Variants in SLIT2 observed in about 807,000 individuals in gnomAD.
SLIT2 encodes the protein slit guidance ligand 2, also known as slit homolog 2 protein.
SLIT2 carries 41 observed loss-of-function variants against 185.7 expected under a neutral mutation model. The observed-to-expected ratio is 0.22, with a 90% CI of 0.17 to 0.29. The LOEUF (loss-of-function observed/expected upper bound fraction) is 0.29. Among genes scored for constraint, SLIT2 ranks in the 10% least tolerant of loss-of-function variants. SLIT2 has a pLI of 1.00. For missense variants in SLIT2, 1,571 were observed against 1,909.0 expected (o/e 0.82, Z 3.30); for synonymous variants, 693 against 680.2 (o/e 1.02, Z -0.29).
At chr4:20,273,065 A>T (rs1380744482) in intron 4 of SLIT2, among the ~76,000 whole-genome samples, 1 of 152,150 alleles carries the variant, frequency 6.6e-6, no homozygotes, top group Non-Finnish European at 1.5e-5. Flanking sequence ...AACTATAATA[A>T]TTGGGACTTT....
intron 15 of SLIT2, among the ~76,000 whole-genome samples, chr4:20,525,880 T>C (rs1721240956): frequency 6.6e-6 from 1 of 152,148 alleles, no homozygotes; most frequent in Non-Finnish European, 1.5e-5. Context: ...AAAATGTTTC[T>C]AAGAAAAGTA....
At chr4:20,576,362 A>G (rs900730903) in intron 29 of SLIT2, among the ~76,000 whole-genome samples, 6 of 152,156 alleles carry the variant, frequency 3.9e-5, no homozygotes, top group Admixed American at 3.3e-4. Flanking sequence ...CTTCGTATAG[A>G]AAGATTTTAT....
At chr4:20,302,401 G>A (rs1717138361) in intron 4 of SLIT2, among the ~76,000 whole-genome samples, 2 of 152,088 alleles carry the variant, frequency 1.3e-5, no homozygotes, top group South Asian at 4.1e-4. Flanking sequence ...TATTCCATCA[G>A]TTATCCAGTG....
chr4:20,338,197 G>C (rs976872208), intron 4 of SLIT2, among the ~76,000 whole-genome samples: 2 of 152,078 alleles, frequency 1.3e-5, no homozygotes, highest in African/African-American at 4.8e-5. Context: ...TTTCTTATAA[G>C]GATTTCTCTT....
At chr4:20,285,479 A>G (rs1715173771) in intron 4 of SLIT2, among the ~76,000 whole-genome samples, 1 of 152,224 alleles carries the variant, frequency 6.6e-6, no homozygotes, top group Middle Eastern at 3.2e-3. Context: ...AAGCACACTG[A>G]CACTGATACT....
chr4:20,395,210 T>G, intron 4 of SLIT2, among the ~76,000 whole-genome samples: 1 of 151,968 alleles, frequency 6.6e-6, no homozygotes, highest in Non-Finnish European at 1.5e-5. Flanking sequence ...TATGACAGAA[T>G]TAGAAGGTAA....
chr4:20,438,056 A>G (rs773860441), intron 4 of SLIT2, among the ~76,000 whole-genome samples: 2 of 151,872 alleles, frequency 1.3e-5, no homozygotes, highest in Non-Finnish European at 2.9e-5. Flanking sequence ...CAACATCTCC[A>G]TTGCCTGATT....
intron 36 of SLIT2, 107 bp from the exon 37 acceptor site, chr4:20,618,661 T>C (rs1398640846): frequency 8.4e-6 from 10 of 1,189,212 alleles, no homozygotes; most frequent in Non-Finnish European, 1.2e-5. Flanking sequence ...TAAAGCAAGT[T>C]ACAAAGGGGA....
intron 4 of SLIT2, among the ~76,000 whole-genome samples, chr4:20,341,270 G>A (rs1173524572): frequency 6.6e-6 from 1 of 152,218 alleles, no homozygotes; most frequent in Non-Finnish European, 1.5e-5. Context: ...CATGGAGAAT[G>A]TGTCCTCTGT....
intron 18 of SLIT2, among the ~76,000 whole-genome samples, chr4:20,535,058 T>C (rs1722149384): frequency 6.6e-6 from 1 of 151,962 alleles, no homozygotes; most frequent in Non-Finnish European, 1.5e-5. Flanking sequence ...CCCAGCACTT[T>C]GGGAGGCCAA....
intron 9 of SLIT2, among the ~76,000 whole-genome samples, chr4:20,498,043 C>A (rs976475808): frequency 1.3e-5 from 2 of 151,942 alleles, no homozygotes; most frequent in Non-Finnish European, 1.5e-5. Context: ...CGTGGCAGTG[C>A]GTGCCTGTAG....
chr4:20,534,744 C>T (rs980418960), intron 18 of SLIT2, among the ~76,000 whole-genome samples: 1 of 152,108 alleles, frequency 6.6e-6, no homozygotes, highest in East Asian at 1.9e-4. Context: ...AGGCTGAGTC[C>T]ATTGTCTGCT....
At chr4:20,472,404 ATATC>A (rs1715373309) in intron 5 of SLIT2, among the ~76,000 whole-genome samples, 1 of 85,202 alleles carries the variant, frequency 1.2e-5, no homozygotes, top group Non-Finnish European at 2.1e-5. Flanking sequence ...ATAGATATAG[ATATC>A]TATATATCTA....
intron 4 of SLIT2, among the ~76,000 whole-genome samples, chr4:20,299,308 A>G (rs1198820709): frequency 3.9e-5 from 6 of 152,198 alleles, no homozygotes; most frequent in Non-Finnish European, 7.3e-5. Flanking sequence ...TAATATATTT[A>G]TATATCAACA....
At chr4:20,514,832 A>T (rs1397939788) in intron 11 of SLIT2, among the ~76,000 whole-genome samples, 3 of 151,768 alleles carry the variant, frequency 2.0e-5, no homozygotes, top group African/African-American at 7.3e-5. Context: ...ATACTAATAT[A>T]TTGTTACATA....
intron 3 of SLIT2, among the ~76,000 whole-genome samples, chr4:20,267,189 C>A (rs1713119578): frequency 6.6e-6 from 1 of 151,920 alleles, no homozygotes. Flanking sequence ...TAATGCTAGA[C>A]TCTGGAAGTA....
intron 29 of SLIT2, among the ~76,000 whole-genome samples, chr4:20,583,691 C>T (rs1330780380): frequency 6.6e-6 from 1 of 151,964 alleles, no homozygotes; most frequent in South Asian, 2.1e-4. Flanking sequence ...CACCTGTAGT[C>T]CCAGCTACTG....
chr4:20,553,735 TTG>T (rs3830489), intron 25 of SLIT2, 68 bp from the exon 26 acceptor site: 49,123 of 956,640 alleles, frequency 0.051, 3 homozygotes, highest in Non-Finnish European at 0.057. Context: ...ACTTCCATAC[TTG>T]TGTGTGTGTG....
intron 5 of SLIT2, among the ~76,000 whole-genome samples, chr4:20,474,780 G>A (rs898501312): frequency 6.6e-6 from 1 of 151,808 alleles, no homozygotes; most frequent in African/African-American, 2.4e-5. Context: ...ATTTTAACAA[G>A]GTTGCCAGAT....
Sources: gnomAD v4.1 joint callset for allele counts (sites outside exome capture counted in the v4.1 genomes callset) on GRCh38, gnomAD v4.1.1 for gene constraint, MANE v1.5 for transcripts, NCBI Gene and HGNC (gene_info 2026-07-23, HGNC 2026-07-21) for gene names.